Variants in RELL1 observed in about 807,000 individuals in gnomAD.
The protein encoded by RELL1 is RELT-like protein 1.
RELL1 carries 10 observed loss-of-function variants against 23.0 expected under a neutral mutation model. That is an observed-to-expected ratio of 0.43 (90% CI 0.27 to 0.74). The LOEUF (loss-of-function observed/expected upper bound fraction) is 0.74. RELL1 is among the 30% of genes least tolerant of loss of function. The pLI is 0.19. For missense variants in RELL1, 315 were observed against 364.4 expected (o/e 0.86, Z 1.10); for synonymous variants, 146 against 146.8 (o/e 0.99, Z 0.04).
intron 6 of RELL1, among the ~76,000 whole-genome samples, chr4:37,628,587 C>T (rs1198093795): frequency 6.6e-6 from 1 of 152,116 alleles, no homozygotes; most frequent in Non-Finnish European, 1.5e-5. Flanking sequence ...GTTGGAGGCT[C>T]GGAAAACACG....
chr4:37,680,864 G>A (rs184063545), intron 1 of RELL1, among the ~76,000 whole-genome samples: 60 of 151,152 alleles, frequency 4.0e-4, no homozygotes, highest in African/African-American at 7.8e-4. Flanking sequence ...CCCTGGAGGC[G>A]GAGCTTGCAG....
At chr4:37,632,084 GAAA>G (rs1183120605) in intron 5 of RELL1, among the ~76,000 whole-genome samples, 1 of 44,458 alleles carries the variant, frequency 2.2e-5, no homozygotes, top group South Asian at 1.8e-3. Context: ...TCTCAATAAG[GAAA>G]AAAAAAAAAA....
downstream of RELL1, among the ~76,000 whole-genome samples, chr4:37,608,159 C>T (rs1719280185): frequency 6.6e-6 from 1 of 152,116 alleles, no homozygotes; most frequent in Non-Finnish European, 1.5e-5. Flanking sequence ...TCTCCTCAGG[C>T]CTCCCTATTC....
intron 6 of RELL1, among the ~76,000 whole-genome samples, chr4:37,629,965 G>C (rs2109255935): frequency 6.6e-6 from 1 of 152,282 alleles, no homozygotes; most frequent in Admixed American, 6.5e-5. Flanking sequence ...CTGAGGCAAA[G>C]AGCACCACTT....
intron 1 of RELL1, among the ~76,000 whole-genome samples, chr4:37,663,798 C>T (rs1467207886): frequency 2.0e-5 from 3 of 152,098 alleles, no homozygotes; most frequent in Non-Finnish European, 4.4e-5. Context: ...GTGACACATG[C>T]ATTTAGGTGG....
At chr4:37,623,418 T>C (rs945437066) in intron 6 of RELL1, 2 of 153,550 alleles carry the variant, frequency 1.3e-5, no homozygotes, top group African/African-American at 2.4e-5. Context: ...CCACTGAGCA[T>C]GTAAGCTCCC....
intron 5 of RELL1, among the ~76,000 whole-genome samples, chr4:37,634,519 G>T (rs938829935): frequency 1.3e-5 from 2 of 152,212 alleles, no homozygotes; most frequent in African/African-American, 4.8e-5. Flanking sequence ...AGCCACAAAC[G>T]AAGGGGGCCT....
intron 1 of RELL1, among the ~76,000 whole-genome samples, chr4:37,673,186 C>CTTTTTTTTTTTTGT (rs1721897370): frequency 1.1e-5 from 1 of 93,180 alleles, no homozygotes; most frequent in Non-Finnish European, 1.9e-5. Context: ...CTTTTTTTTT[C>CTTTTTTTTTTTTGT]TTTTTTTTTT....
intron 6 of RELL1, among the ~76,000 whole-genome samples, chr4:37,596,000 A>T (rs552387704): frequency 1.3e-5 from 2 of 152,246 alleles, no homozygotes; most frequent in East Asian, 3.9e-4. Context: ...TGGGGGAAAA[A>T]AGGTGCGCCC....
chr4:37,663,880 C>T (rs1000073935), intron 1 of RELL1, among the ~76,000 whole-genome samples: 2 of 152,086 alleles, frequency 1.3e-5, no homozygotes, highest in Non-Finnish European at 2.9e-5. Context: ...ACCCAAGGCC[C>T]TTAAACACTA....
downstream of RELL1, chr4:37,590,169 T>C: frequency 6.2e-7 from 1 of 1,614,170 alleles, no homozygotes; most frequent in East Asian, 2.2e-5. Flanking sequence ...AAGACGACAC[T>C]GATAAATTAA....
rs77018998 is a variant in RELL1 at position 37,624,702 on chromosome 4, T to A, written c.*3+6683A>T. On this transcript the variant is annotated intron_variant, in intron 6 of 6. Transcript: ENST00000454158. ...CCTCGGCCTCCCACAGTGCTGGGAT[T>A]ACAGGCGTGAGCCACCGCGCCCAGC... 1.2e-3 allele frequency among the ~76,000 whole-genome samples: 180 copies of A among 152,258 alleles called. 3 individuals are homozygous for A. In the East Asian group the frequency reaches 0.033, roughly 28 times the overall value.
intron 1 of RELL1, chr4:37,665,108 C>T (rs1363673753): frequency 2.6e-6 from 1 of 382,380 alleles, no homozygotes; most frequent in Non-Finnish European, 5.2e-6. Flanking sequence ...CAGAAGGGCT[C>T]CTGGGTAATC....
chr4:37,652,349 T>C (rs1443025681), intron 1 of RELL1, among the ~76,000 whole-genome samples: 5 of 152,232 alleles, frequency 3.3e-5, no homozygotes, highest in African/African-American at 1.2e-4. Flanking sequence ...GAAGAATCAA[T>C]ATAATAAATA....
chr4:37,651,382 A>C (rs1012345412), intron 1 of RELL1, among the ~76,000 whole-genome samples: 1 of 152,242 alleles, frequency 6.6e-6, no homozygotes, highest in Non-Finnish European at 1.5e-5. Context: ...GTTTGACTGA[A>C]ACAAAGCTTC....
chr4:37,626,072 T>C (rs929447047), intron 6 of RELL1, among the ~76,000 whole-genome samples: 1 of 152,016 alleles, frequency 6.6e-6, no homozygotes, highest in African/African-American at 2.4e-5. Flanking sequence ...AGAATGACAA[T>C]TATAAAAAAA....
At chr4:37,622,696 G>C (rs533372302) in intron 6 of RELL1, 1 of 417,020 alleles carries the variant, frequency 2.4e-6, no homozygotes, top group Admixed American at 2.8e-5. Flanking sequence ...TAAGCACTAG[G>C]ATAGAAGCTC....
chr4:37,591,006 G>A (rs760541630), exon 7 of RELL1: 1 of 1,598,422 alleles, frequency 6.3e-7, no homozygotes, highest in Non-Finnish European at 8.5e-7. Flanking sequence ...ATTAGGGGAG[G>A]GGATTTGCAC....
At chr4:37,633,398 G>T (rs1720208927) in intron 5 of RELL1, among the ~76,000 whole-genome samples, 1 of 106,384 alleles carries the variant, frequency 9.4e-6, no homozygotes. Context: ...GACAGAGTGA[G>T]ACTCCACCTC....
Sources: allele counts gnomAD v4.1 joint callset (sites outside exome capture counted in the v4.1 genomes callset), GRCh38; gene constraint gnomAD v4.1.1; transcripts MANE v1.5; gene names NCBI Gene and HGNC (gene_info 2026-07-23, HGNC 2026-07-21).